Variants in NMU observed in about 807,000 individuals in gnomAD.
NMU encodes the protein neuromedin-U.
In NMU, 29 loss-of-function variants were observed where a neutral mutation model predicts 35.4. The observed-to-expected ratio is 0.82, with a 90% CI of 0.61 to 1.12. NMU has a LOEUF of 1.12. Among genes scored for constraint, NMU ranks in the 50% most tolerant of loss-of-function variants. The pLI is 0.00. For synonymous variants in NMU, 78 were observed against 81.3 expected, an observed-to-expected ratio of 0.96 and a Z score of 0.22; for missense variants, 199 against 206.2, an observed-to-expected ratio of 0.97 and a Z score of 0.21.
At chr4:55,606,649 G>A (rs1577940660) in intron 6 of NMU, among the ~76,000 whole-genome samples, 1 of 148,796 alleles carries the variant, frequency 6.7e-6, no homozygotes, top group Admixed American at 6.7e-5. Flanking sequence ...TTTAGAATGT[G>A]TTTCACAAAA....
At chr4:55,629,615 CAAAAAAAAAAAAAA>C (rs10581873) in intron 2 of NMU, among the ~76,000 whole-genome samples, 1 of 88,802 alleles carries the variant, frequency 1.1e-5, no homozygotes, top group Non-Finnish European at 2.3e-5. Context: ...GACCATGTCT[CAAAAAAAAAAAAAA>C]AAAAAAAAAA....
chr4:55,636,561 T>C (rs1389678659), upstream of NMU: 1 of 186,480 alleles, frequency 5.4e-6, no homozygotes, highest in East Asian at 1.4e-4. This position sits in a 1 kb window ranked among gnomAD's most constrained non-coding sequence, Gnocchi z 4.0. Context: ...AGGACTGGAC[T>C]GGGAACAGGG....
At chr4:55,632,872 A>C (rs1289645566) in intron 1 of NMU, among the ~76,000 whole-genome samples, 1 of 152,026 alleles carries the variant, frequency 6.6e-6, no homozygotes, top group Non-Finnish European at 1.5e-5. Flanking sequence ...CCACTTAGAA[A>C]GGCCACTATG....
intron 2 of NMU, among the ~76,000 whole-genome samples, chr4:55,627,381 G>A (rs1734575784): frequency 7.3e-6 from 1 of 136,146 alleles, no homozygotes; most frequent in East Asian, 2.3e-4. Context: ...ATCAATTTTA[G>A]GTTAAATTTT....
At chr4:55,629,785 G>A (rs920819942) in intron 2 of NMU, among the ~76,000 whole-genome samples, 1 of 151,998 alleles carries the variant, frequency 6.6e-6, no homozygotes, top group Non-Finnish European at 1.5e-5. Flanking sequence ...TTTGAGACAG[G>A]TGTATTAAAC....
chr4:55,632,155 G>A (rs1025743899), intron 1 of NMU, among the ~76,000 whole-genome samples: 1 of 152,138 alleles, frequency 6.6e-6, no homozygotes, highest in South Asian at 2.1e-4. Flanking sequence ...GGACTCGGAG[G>A]TGGAGGCTAG....
At chr4:55,600,917 G>T (rs1733400831) in intron 7 of NMU, among the ~76,000 whole-genome samples, 1 of 152,070 alleles carries the variant, frequency 6.6e-6, no homozygotes, top group South Asian at 2.1e-4. Context: ...CATTTTGTTA[G>T]AATGAAATAA....
At chr4:55,620,008 CATCTGTAT>C (rs1401884307) in intron 2 of NMU, among the ~76,000 whole-genome samples, 1 of 149,298 alleles carries the variant, frequency 6.7e-6, no homozygotes, top group African/African-American at 2.4e-5. Context: ...ACCGAAAACC[CATCTGTAT>C]ATCACCATCA....
intron 4 of NMU, among the ~76,000 whole-genome samples, chr4:55,608,128 T>C (rs968563785): frequency 6.5e-5 from 9 of 138,280 alleles, no homozygotes; most frequent in Admixed American, 8.4e-5. Context: ...TGAGCCGAGA[T>C]GGCGCCACTG....
chr4:55,635,927 G>C (rs35772728), intron 1 of NMU, among the ~76,000 whole-genome samples, 154 bp downstream of exon 1: 14,436 of 152,292 alleles, frequency 0.095, 735 homozygotes, highest in South Asian at 0.17. Flanking sequence ...GGCGACCTGT[G>C]CCTGGGAGGC....
intron 1 of NMU, among the ~76,000 whole-genome samples, chr4:55,631,601 T>C (rs1734757377): frequency 6.6e-6 from 1 of 152,034 alleles, no homozygotes; most frequent in Admixed American, 6.6e-5. Context: ...GAAATGCAAA[T>C]TAAAACCACA....
At position 55,597,803 on chromosome 4, in the gene NMU, A is replaced by C. The variant is rs183421801; in HGVS notation, c.*4+1339T>G. On this transcript the variant is annotated intron_variant, in intron 9 of 9. Transcript: ENST00000264218. ...ATCCTCCATTTTATCCAGGTTTCCAAACTGATGTGTAGAGAGATGTGCAAA... is the reference window on the plus strand; with the variant it reads ...ATCCTCCATTTTATCCAGGTTTCCACACTGATGTGTAGAGAGATGTGCAAA... Among the ~76,000 whole-genome samples, 5 of 152,266 alleles carry C rather than the reference A, an allele frequency of 3.3e-5. No individual in the cohort carries two copies. The East Asian group carries it at 9.6e-4, about 29-fold the overall frequency.
At position 55,616,654 on chromosome 4, in the gene NMU, T is replaced by C. The variant is rs113930677; in HGVS notation, c.172-269A>G. ...AGGGCATGAAGATGCCTCACATTAA[T>C]ATATTGAGGAAAAGACTTTTCACGT... is the stretch of plus-strand genomic sequence containing the variant. On this transcript the variant is annotated intron_variant, in intron 2 of 9. Coordinates refer to ENST00000264218, the MANE Select transcript of NMU (RefSeq NM_006681.4). Among the ~76,000 whole-genome samples the C allele has an allele frequency of 4.2e-3, 641 of 152,246 alleles. 1 individual carries two copies. The highest frequency in any genetic ancestry group is 7.1e-3 in the Non-Finnish European group (485 of 68,018).
intron 3 of NMU, among the ~76,000 whole-genome samples, chr4:55,611,142 G>T (rs1188183923): frequency 1.3e-5 from 2 of 152,104 alleles, no homozygotes; most frequent in Admixed American, 1.3e-4. Flanking sequence ...TGGAAGAACT[G>T]CTTGAGCCCA....
intron 3 of NMU, among the ~76,000 whole-genome samples, chr4:55,611,742 T>C (rs1183483517): frequency 6.6e-6 from 1 of 152,262 alleles, no homozygotes; most frequent in East Asian, 1.9e-4. Context: ...TGTAGCCATA[T>C]AGCCTAGGTG....
chr4:55,613,662 G>T (rs1389019438), intron 3 of NMU, among the ~76,000 whole-genome samples: 3 of 152,092 alleles, frequency 2.0e-5, no homozygotes, highest in African/African-American at 7.2e-5. Context: ...GACACTGAGT[G>T]TGGCCCCCCA....
intron 2 of NMU, among the ~76,000 whole-genome samples, chr4:55,626,179 A>G (rs545602775): frequency 6.6e-6 from 1 of 152,344 alleles, no homozygotes; most frequent in African/African-American, 2.4e-5. Context: ...TTGCTAGTCT[A>G]ATAGGTAGAA....
At chr4:55,616,570 A>C (rs1734115480) in intron 2 of NMU, among the ~76,000 whole-genome samples, 185 bp from the exon 3 acceptor site, 1 of 152,188 alleles carries the variant, frequency 6.6e-6, no homozygotes, top group Non-Finnish European at 1.5e-5. Context: ...GACTTCCCTC[A>C]AGATGTCCCC....
In NMU at chr4:55,609,148, A is replaced by C; in HGVS notation, c.251T>G (p.Met84Arg). Reference sequence around the variant, plus strand: ...AGGCTTTGGTAGCATTCCCATAATCATAAAGCAAAGCTCCTCCAGTGCGTT... The same window carrying C: ...AGGCTTTGGTAGCATTCCCATAATCCTAAAGCAAAGCTCCTCCAGTGCGTT... ...ASNALEELCF[M>R]IMGMLPKPQE... is the part of the protein sequence containing the mutation. Residue 84 changes from methionine to arginine, a missense_variant, in exon 4 of 10, where the codon ATG (methionine) becomes AGG (arginine). Coordinates refer to ENST00000264218, the MANE Select transcript of NMU (RefSeq NM_006681.4). 1 of 1,613,576 alleles carries C rather than the reference A, an allele frequency of 6.2e-7. No individual in the cohort carries two copies. The highest frequency in any genetic ancestry group is 8.5e-7 in the Non-Finnish European group (1 of 1,179,502).
Sources: gnomAD v4.1 joint callset for allele counts (sites outside exome capture counted in the v4.1 genomes callset) on GRCh38, gnomAD v4.1.1 for gene constraint, Gnocchi (gnomAD v3.1) non-coding constraint, MANE v1.5 for transcripts, NCBI Gene and HGNC (gene_info 2026-07-23, HGNC 2026-07-21) for gene names.